CERS6: variants seen among roughly 807,000 people sequenced by gnomAD.
The protein encoded by CERS6 is LAG1 homolog, ceramide synthase 6.
In CERS6, 26 loss-of-function variants were observed where a neutral mutation model predicts 56.8. The observed-to-expected ratio is 0.46, with a 90% CI of 0.34 to 0.63. The LOEUF (loss-of-function observed/expected upper bound fraction) is 0.63, where lower values mean the gene tolerates loss of function less well. Ranked by LOEUF, CERS6 falls within the 30% of genes least tolerant of loss-of-function variation. The pLI is 0.01. For synonymous variants in CERS6, 164 were observed against 173.3 expected, an observed-to-expected ratio of 0.95 and a Z score of 0.42; for missense variants, 415 against 467.5, an observed-to-expected ratio of 0.89 and a Z score of 1.04.
chr2:168,746,837 A>G (rs560514790), intron 8 of CERS6, among the ~76,000 whole-genome samples: 58 of 134,374 alleles, frequency 4.3e-4, no homozygotes, highest in South Asian at 3.9e-3. Flanking sequence ...ATCTTTGAAA[A>G]AATGATTATA....
rs1234636537 is a variant in CERS6 at position 168,456,762 on chromosome 2, A to AC, written c.170+150dup. 5 of 730,988 alleles carry AC rather than the reference A, an allele frequency of 6.8e-6. No individual in the cohort carries two copies. The highest frequency in any genetic ancestry group is 5.7e-5 in the East Asian group (2 of 35,234). 45.3% of individuals were successfully genotyped at this position (730,988 alleles called of 1,614,324 possible). A position where few individuals can be genotyped will look rare whatever the true frequency, so the allele number is the denominator to read the frequency against. On this transcript the variant is annotated intron_variant, in intron 1 of 9. Transcript: ENST00000305747. The surrounding 1 kb of genome is among the most constrained non-coding windows in gnomAD (Gnocchi z 4.1). ...CTTTGTGTTCGGGGAGGGGTTGCTG[A>AC]CCCCCCTGCCCCGCTGGCTTTCTGG... is the stretch of plus-strand genomic sequence containing the variant.
chr2:168,502,860 A>G (rs1321216114), intron 1 of CERS6, among the ~76,000 whole-genome samples: 1 of 152,208 alleles, frequency 6.6e-6, no homozygotes. Context: ...ACGGTCTCTG[A>G]GAAAAAAGAT....
At chr2:168,695,995 A>G (rs1030654593) in intron 6 of CERS6, among the ~76,000 whole-genome samples, 3 of 152,172 alleles carry the variant, frequency 2.0e-5, no homozygotes, top group South Asian at 2.1e-4. Flanking sequence ...AGCATTTTGC[A>G]TTTTAGATTT....
intron 6 of CERS6, among the ~76,000 whole-genome samples, chr2:168,705,923 C>T (rs1254332043): frequency 6.6e-6 from 1 of 152,064 alleles, no homozygotes; most frequent in Non-Finnish European, 1.5e-5. Flanking sequence ...TTTTAAATGT[C>T]TCAGAAGTGA....
chr2:168,765,522 C>T (rs1443494941), intron 8 of CERS6, 70 bp from the exon 9 acceptor site: 4 of 1,502,318 alleles, frequency 2.7e-6, no homozygotes, highest in Non-Finnish European at 3.6e-6. Context: ...TGCTTTAATG[C>T]AGTGACTAGA....
At chr2:168,661,771 G>A (rs566579704) in intron 4 of CERS6, among the ~76,000 whole-genome samples, 1 of 152,328 alleles carries the variant, frequency 6.6e-6, no homozygotes, top group East Asian at 1.9e-4. Context: ...AGATACAGAA[G>A]CATTAAAGCT....
chr2:168,456,664 A>ACG lies in CERS6; in HGVS notation c.170+52_170+53dup. The ACG allele has an allele frequency of 1.9e-6, 3 of 1,560,240 alleles. No individual in the cohort carries two copies. Among genetic ancestry groups the ACG allele is most frequent in the Non-Finnish European group, 1.7e-6 (2 of 1,142,996 alleles). On this transcript the variant is annotated intron_variant, in intron 1 of 9. Coordinates refer to ENST00000305747, the MANE Select transcript of CERS6 (RefSeq NM_203463.3). This position sits in a 1 kb window ranked among gnomAD's most constrained non-coding sequence, Gnocchi z 4.1. ...TCCTCCCCTCCCCCTGCGCACACAC[A>ACG]CGCGCGCACACACTCGCGCGCTCTC... is the stretch of plus-strand genomic sequence containing the variant.
At chr2:168,459,632 GT>G (rs368779298) in intron 1 of CERS6, among the ~76,000 whole-genome samples, 20,452 of 147,496 alleles carry the variant, frequency 0.14, 1,662 homozygotes, top group Non-Finnish European at 0.19. Context: ...AAGTATGTGG[GT>G]TTTTTTTTTT....
chr2:168,716,250 A>G (rs1280679360), intron 7 of CERS6, among the ~76,000 whole-genome samples: 2 of 152,128 alleles, frequency 1.3e-5, no homozygotes, highest in Admixed American at 6.6e-5. Flanking sequence ...CATATTTTTT[A>G]GTAGGATAAA....
chr2:168,499,126 C>T (rs1279577957), intron 1 of CERS6, among the ~76,000 whole-genome samples: 1 of 152,138 alleles, frequency 6.6e-6, no homozygotes, highest in Non-Finnish European at 1.5e-5. Context: ...GCTACCTGCC[C>T]CAGGTCCTGT....
chr2:168,755,192 G>A (rs1330480488), intron 8 of CERS6, among the ~76,000 whole-genome samples: 1 of 152,182 alleles, frequency 6.6e-6, no homozygotes, highest in Non-Finnish European at 1.5e-5. Flanking sequence ...TACTGTTTTA[G>A]GATCTTGGTC....
chr2:168,565,227 T>A (rs540289822), intron 3 of CERS6, among the ~76,000 whole-genome samples: 329 of 152,230 alleles, frequency 2.2e-3, no homozygotes, highest in Admixed American at 4.1e-3. Context: ...CTTACCTATA[T>A]AAAAAAAGAT....
intron 4 of CERS6, among the ~76,000 whole-genome samples, chr2:168,674,639 T>C (rs1686007712): frequency 6.6e-6 from 1 of 152,236 alleles, no homozygotes; most frequent in Admixed American, 6.5e-5. Context: ...GAATCAGTAA[T>C]GTAGCAAAGA....
At chr2:168,666,619 G>A (rs889778904) in intron 4 of CERS6, among the ~76,000 whole-genome samples, 1 of 152,156 alleles carries the variant, frequency 6.6e-6, no homozygotes, top group African/African-American at 2.4e-5. Flanking sequence ...GTTTTCATGT[G>A]GGCGTGAGTC....
At chr2:168,655,251 G>A (rs1162711105) in intron 4 of CERS6, among the ~76,000 whole-genome samples, 1 of 152,180 alleles carries the variant, frequency 6.6e-6, no homozygotes, top group Non-Finnish European at 1.5e-5. Flanking sequence ...CAAGGGTATG[G>A]AGAAAGGGAA....
chr2:168,761,652 A>G (rs749443749), intron 8 of CERS6, among the ~76,000 whole-genome samples: 4 of 152,128 alleles, frequency 2.6e-5, no homozygotes, highest in African/African-American at 9.7e-5. Flanking sequence ...CACGTGGTCA[A>G]TCAACAAACG....
intron 3 of CERS6, among the ~76,000 whole-genome samples, chr2:168,588,143 C>G (rs1683588554): frequency 6.6e-6 from 1 of 151,192 alleles, no homozygotes; most frequent in South Asian, 2.1e-4. Context: ...TAGTATCGAC[C>G]TCCTGGCCTT....
At chr2:168,643,614 C>T (rs188447901) in intron 4 of CERS6, among the ~76,000 whole-genome samples, 39 of 152,274 alleles carry the variant, frequency 2.6e-4, no homozygotes, top group South Asian at 1.5e-3. Flanking sequence ...ATAGAGTTTA[C>T]GTCTTGATAC....
At chr2:168,572,709 C>T (rs781034778) in intron 3 of CERS6, among the ~76,000 whole-genome samples, 1 of 152,042 alleles carries the variant, frequency 6.6e-6, no homozygotes, top group African/African-American at 2.4e-5. Flanking sequence ...TTCTCCTTGC[C>T]ACCCATATTG....
Sources: allele counts gnomAD v4.1 joint callset (sites outside exome capture counted in the v4.1 genomes callset), GRCh38; gene constraint gnomAD v4.1.1; non-coding constraint Gnocchi (gnomAD v3.1); transcripts MANE v1.5; gene names NCBI Gene and HGNC (gene_info 2026-07-23, HGNC 2026-07-21).